MTUS2: variants seen among roughly 807,000 people sequenced by gnomAD.
MTUS2 encodes microtubule-associated tumor suppressor candidate 2.
MTUS2 carries 40 observed loss-of-function variants against 114.1 expected under a neutral mutation model. The ratio of observed to expected loss-of-function variants is 0.35; its 90% CI spans 0.27 to 0.46. The LOEUF (loss-of-function observed/expected upper bound fraction) is 0.46. Ranked by LOEUF, MTUS2 falls within the 20% of genes least tolerant of loss-of-function variation. The pLI, the probability that MTUS2 is intolerant of heterozygous loss-of-function variation, is 1.00. For synonymous variants in MTUS2, 688 were observed against 672.0 expected (o/e 1.02, Z -0.37); for missense variants, 1,679 against 1,705.4 (o/e 0.98, Z 0.27).
chr13:28,854,221 TGGGAAACACTCCTTTAG>T (rs1288077507), intron 2 of MTUS2, among the ~76,000 whole-genome samples: 1 of 152,232 alleles, frequency 6.6e-6, no homozygotes, highest in Admixed American at 6.5e-5. Flanking sequence ...CATTACAGTC[TGGGAAACACTCCTTTAG>T]GGAATATTTT....
rs192816677 is a variant in MTUS2 at position 29,032,864 on chromosome 13, C to T, written c.2206-1021C>T. ...TGTGATTTAGAACAGAGTTAATTAA[C>T]AGATGTATCTTTTCATGCATGGCCC... On this transcript the variant is annotated intron_variant, in intron 3 of 15. Coordinates refer to ENST00000612955, the MANE Select transcript of MTUS2 (RefSeq NM_001033602.4). 2.0e-5 allele frequency among the ~76,000 whole-genome samples: 3 copies of T among 152,258 alleles called. No homozygotes were observed. In the East Asian group the frequency reaches 5.8e-4, roughly 29 times the overall value.
chr13:29,415,328 C>T (rs553978959), intron 8 of MTUS2, among the ~76,000 whole-genome samples: 1 of 152,124 alleles, frequency 6.6e-6, no homozygotes, highest in African/African-American at 2.4e-5. Flanking sequence ...TTTCTTAATC[C>T]ACTTTATCCA....
At chr13:29,158,358 C>CCCCCCATTT in intron 5 of MTUS2, among the ~76,000 whole-genome samples, 1 of 32,048 alleles carries the variant, frequency 3.1e-5, no homozygotes, top group Non-Finnish European at 5.1e-5. Flanking sequence ...GTCCACCCCG[C>CCCCCCATTT]TTTTTTTTTT....
intron 6 of MTUS2, among the ~76,000 whole-genome samples, chr13:29,318,043 C>A (rs1900082910): frequency 6.6e-6 from 1 of 152,188 alleles, no homozygotes; most frequent in Admixed American, 6.5e-5. Context: ...TGTGTGGGAG[C>A]TGATCTGTGG....
intron 8 of MTUS2, among the ~76,000 whole-genome samples, chr13:29,378,041 C>G (rs1410702844): frequency 6.6e-6 from 1 of 152,096 alleles, no homozygotes; most frequent in Non-Finnish European, 1.5e-5. Flanking sequence ...TGTCTGGTTT[C>G]ATTTATATAA....
In MTUS2 at chr13:29,026,925, A is replaced by G. The variant is rs372236933; in HGVS notation, c.2205+22A>G. 2.8e-4 allele frequency: 433 copies of G among 1,560,854 alleles called. No homozygotes were observed. In the African/African-American group the frequency reaches 5.2e-3, roughly 19 times the overall value. ...GGAGGTAAGAGAATGTCATTATGATATGGTCTATAAGTTGACTGTCCCAAT... is the reference window on the plus strand; with the variant it reads ...GGAGGTAAGAGAATGTCATTATGATGTGGTCTATAAGTTGACTGTCCCAAT... On this transcript the variant is annotated intron_variant, in intron 3 of 15. Transcript: ENST00000612955.
At chr13:28,844,770 C>CCA (rs1393432864) in intron 2 of MTUS2, among the ~76,000 whole-genome samples, 2 of 152,104 alleles carry the variant, frequency 1.3e-5, no homozygotes, top group Non-Finnish European at 2.9e-5. Context: ...GCGCACGCCA[C>CCA]CACACCCATC....
chr13:28,839,300 C>G (rs925222384), intron 1 of MTUS2, among the ~76,000 whole-genome samples: 10 of 152,124 alleles, frequency 6.6e-5, no homozygotes, highest in African/African-American at 2.4e-4. Flanking sequence ...TTTTTTATTG[C>G]TTCTGAATTA....
intron 2 of MTUS2, among the ~76,000 whole-genome samples, chr13:28,933,008 G>C (rs988941046): frequency 6.6e-6 from 1 of 152,126 alleles, no homozygotes; most frequent in Non-Finnish European, 1.5e-5. Context: ...AGGAAAAAAG[G>C]TAAGGTTCTC....
chr13:29,215,260 T>C (rs926356643), intron 5 of MTUS2, among the ~76,000 whole-genome samples: 1 of 152,032 alleles, frequency 6.6e-6, no homozygotes, highest in Non-Finnish European at 1.5e-5. Flanking sequence ...TAGCAGTTCC[T>C]GTAAGCTTTT....
chr13:29,100,729 A>G lies in MTUS2; in HGVS notation c.2447-44A>G, dbSNP rs942812872. 5 of 1,534,826 alleles carry G rather than the reference A, an allele frequency of 3.3e-6. No homozygotes were observed. In the African/African-American group the frequency reaches 4.2e-5, roughly 13 times the overall value. ...AATCTGTAGAATTCATTATCTCATTATGAACTGAGAATAATTTTTTAATTT... is the reference window on the plus strand; with the variant it reads ...AATCTGTAGAATTCATTATCTCATTGTGAACTGAGAATAATTTTTTAATTT... On this transcript the variant is annotated intron_variant, in intron 4 of 15. Coordinates refer to ENST00000612955, the MANE Select transcript of MTUS2 (RefSeq NM_001033602.4).
intron 5 of MTUS2, among the ~76,000 whole-genome samples, chr13:29,266,145 G>A (rs1897659924): frequency 6.6e-6 from 1 of 152,172 alleles, no homozygotes. Flanking sequence ...TAATGGGGGT[G>A]ATATCAGTGG....
chr13:28,909,192 T>G (rs1296414404), intron 2 of MTUS2, among the ~76,000 whole-genome samples: 4 of 151,662 alleles, frequency 2.6e-5, no homozygotes, highest in Admixed American at 2.0e-4. Context: ...TGGTTCCATA[T>G]GAACTTTAAA....
intron 4 of MTUS2, among the ~76,000 whole-genome samples, chr13:29,044,081 A>G (rs1887500737): frequency 6.6e-6 from 1 of 152,008 alleles, no homozygotes; most frequent in African/African-American, 2.4e-5. Context: ...GCAGATCCTC[A>G]TTTTAATCTG....
intron 2 of MTUS2, among the ~76,000 whole-genome samples, chr13:28,896,266 CAGAG>C (rs1416330233): frequency 5.3e-5 from 8 of 152,104 alleles, no homozygotes; most frequent in Non-Finnish European, 4.4e-5. Flanking sequence ...AACAGACAAA[CAGAG>C]AGCCAAATCA....
intron 9 of MTUS2, among the ~76,000 whole-genome samples, chr13:29,461,186 CAG>C (rs1008095963): frequency 2.0e-5 from 3 of 150,854 alleles, no homozygotes; most frequent in Non-Finnish European, 4.4e-5. Context: ...GAGGGCAGGA[CAG>C]AGAGAGAGAG....
At chr13:29,378,946 G>C (rs1181784785) in intron 8 of MTUS2, among the ~76,000 whole-genome samples, 2 of 152,218 alleles carry the variant, frequency 1.3e-5, no homozygotes, top group East Asian at 3.9e-4. Context: ...CATGGGGGTG[G>C]TCCCCCCATG....
At position 29,446,400 on chromosome 13, in the gene MTUS2, G is replaced by T. The variant is rs1432121365; in HGVS notation, c.3184+6351G>T. ...GTTTCAAAGATCTTGGCTAAAGCTG[G>T]GACATGTGCAAAAAGCACCAGAGGA... On this transcript the variant is annotated intron_variant, in intron 9 of 15. Transcript: ENST00000612955. Among the ~76,000 whole-genome samples, 6 of 152,214 alleles carry T rather than the reference G, an allele frequency of 3.9e-5. No homozygotes were observed. The East Asian group carries it at 9.7e-4, about 25-fold the overall frequency.
chr13:29,499,165 A>C (rs868710927), intron 14 of MTUS2, among the ~76,000 whole-genome samples: 1 of 152,148 alleles, frequency 6.6e-6, no homozygotes, highest in African/African-American at 2.4e-5. Flanking sequence ...GGACACAAAC[A>C]TTCAGTCCAG....
Sources: allele counts gnomAD v4.1 joint callset (sites outside exome capture counted in the v4.1 genomes callset), GRCh38; gene constraint gnomAD v4.1.1; transcripts MANE v1.5; gene names NCBI Gene and HGNC (gene_info 2026-07-23, HGNC 2026-07-21).